The following TUBD1 variants were observed in gnomAD, a reference collection of about 807,000 sequenced individuals.
TUBD1 encodes the protein tubulin delta 1, also known as tubulin delta chain.
In TUBD1, 38 loss-of-function variants were observed where a neutral mutation model predicts 51.2. The ratio of observed to expected loss-of-function variants is 0.74; its 90% CI spans 0.57 to 0.97. The LOEUF (loss-of-function observed/expected upper bound fraction) is 0.97. Among genes scored for constraint, TUBD1 ranks in the 50% least tolerant of loss-of-function variants. The pLI, the probability that TUBD1 is intolerant of heterozygous loss-of-function variation, is 0.00. For synonymous variants in TUBD1, 169 were observed against 178.2 expected (o/e 0.95, Z 0.41); for missense variants, 489 against 538.4 (o/e 0.91, Z 0.91).
intron 4 of TUBD1, 72 bp downstream of exon 4, chr17:59,880,822 C>T (rs1598554075): frequency 1.4e-6 from 2 of 1,444,814 alleles, no homozygotes; most frequent in East Asian, 4.6e-5. Flanking sequence ...GTGGTGAGAG[C>T]AATCTTTTAC....
intron 4 of TUBD1, 151 bp from the exon 5 acceptor site, chr17:59,878,485 T>G: frequency 1.7e-6 from 1 of 581,986 alleles, no homozygotes; most frequent in Non-Finnish European, 3.0e-6. Context: ...CTATGCTCAG[T>G]TTCCTTTTTT....
chr17:59,877,880 G>C lies in TUBD1; in HGVS notation c.769+223C>G, dbSNP rs188995523. ...GTTTCTATTAAAAAAAGAAAAAAAA[G>C]AAGAGAAAGAATCCTGAAGAGCAGT... On this transcript the variant is annotated intron_variant, in intron 5 of 8. Transcript: ENST00000325752. Among the ~76,000 whole-genome samples the C allele has an allele frequency of 1.9e-3, 280 of 149,488 alleles. 3 individuals carry two copies. Among genetic ancestry groups the C allele is most frequent in the Non-Finnish European group, 4.2e-4 (28 of 66,716 alleles).
Position 59,886,164 on chromosome 17 carries a change from G to C in TUBD1, c.239C>G (p.Ala80Gly). The change falls in exon 3 of 9, where the codon GCT (alanine) becomes GGT (glycine). Residue 80 changes from alanine to glycine, a missense_variant. Coordinates refer to ENST00000325752, the MANE Select transcript of TUBD1 (RefSeq NM_016261.4). ...ATATTTCCATTGGCCAGACTGGGCA[G>C]CCTTTGACAGCATTTGATTGATAAC... ...PKVINQMLSK[A>G]AQSGQWKYGQ... is the part of the protein sequence containing the mutation. 6.2e-7 allele frequency: 1 copy of C among 1,613,950 alleles called. No individual in the cohort carries two copies. The highest frequency in any genetic ancestry group is 8.5e-7 in the Non-Finnish European group (1 of 1,180,004).
chr17:59,880,847 A>C (rs138758651), intron 4 of TUBD1, 47 bp downstream of exon 4: 1 of 1,541,500 alleles, frequency 6.5e-7, no homozygotes, highest in South Asian at 1.1e-5. Context: ...ATTTATTTCT[A>C]TTGCAAAGAA....
intron 5 of TUBD1, 142 bp downstream of exon 5, chr17:59,877,961 G>C: frequency 1.5e-6 from 1 of 662,396 alleles, no homozygotes; most frequent in Non-Finnish European, 2.5e-6. Flanking sequence ...ACAGTTCAGA[G>C]AACTAGCAGA....
chr17:59,872,694 A>ATGTGTGTGTGTGTGTG (rs60720420), intron 6 of TUBD1, among the ~76,000 whole-genome samples: 23 of 142,728 alleles, frequency 1.6e-4, no homozygotes, highest in African/African-American at 4.9e-4. Context: ...GAAAATGGGA[A>ATGTGTGTGTGTGTGTG]TGTGTGTGTG....
At chr17:59,863,540 C>T (rs1172331155) in intron 8 of TUBD1, 124 bp downstream of exon 8, 11 of 657,458 alleles carry the variant, frequency 1.7e-5, no homozygotes, top group African/African-American at 1.4e-4. Flanking sequence ...ACCCGGGAGG[C>T]GGAGGTTGCA....
At chr17:59,879,583 G>A (rs545789835) in intron 4 of TUBD1, among the ~76,000 whole-genome samples, 1 of 150,842 alleles carries the variant, frequency 6.6e-6, no homozygotes, top group South Asian at 2.1e-4. Flanking sequence ...CAACAGGCAG[G>A]AGCCAAAACA....
intron 5 of TUBD1, among the ~76,000 whole-genome samples, chr17:59,876,355 T>G (rs1357581851): frequency 1.3e-5 from 2 of 149,942 alleles, no homozygotes; most frequent in East Asian, 1.9e-4. Flanking sequence ...TTTGTTTTTT[T>G]TTTGTTTTTT....
At position 59,859,636 on chromosome 17, in the gene TUBD1, T is replaced by C. The variant is rs932224394; in HGVS notation, c.*686A>G. 6.6e-6 allele frequency: 1 copy of C among 152,662 alleles called. No individual in the cohort carries two copies. Among genetic ancestry groups the C allele is most frequent in the African/African-American group, 2.4e-5 (1 of 41,460 alleles). 9.5% of individuals were successfully genotyped at this position (152,662 alleles called of 1,614,324 possible). A position where few individuals can be genotyped will look rare whatever the true frequency, so the allele number is the denominator to read the frequency against. On this transcript the variant is annotated 3_prime_UTR_variant, in exon 9 of 9. Transcript: ENST00000325752. ...CATCTCCCTCCTGTGGTTCAAAGCATTCATTTCAAACATGAATATATTAAG... is the reference window on the plus strand; with the variant it reads ...CATCTCCCTCCTGTGGTTCAAAGCACTCATTTCAAACATGAATATATTAAG...
intron 6 of TUBD1, among the ~76,000 whole-genome samples, chr17:59,867,448 C>G (rs1435005912): frequency 6.6e-6 from 1 of 152,120 alleles, no homozygotes; most frequent in Admixed American, 6.6e-5. Context: ...TGGCTCATGC[C>G]TGTAATCCCA....
intron 2 of TUBD1, 143 bp from the exon 3 acceptor site, chr17:59,886,373 T>C: frequency 2.4e-6 from 2 of 833,830 alleles, no homozygotes; most frequent in Non-Finnish European, 3.6e-6. Context: ...TCTGTCGTAC[T>C]GCTTAGAAAT....
Position 59,874,591 on chromosome 17 carries a change from G to A in TUBD1, c.882C>T (p.Gly294=). ...GCATCTGTCTCAAATGCTTGAGGAG[G>A]CCAGCCCAAGTAAATGTGGTGTATG... ...SLAYTTFTWA[G]LLKHLRQMLI... The change falls in exon 6 of 9, where the codon GGC becomes GGT. Residue 294 remains glycine (G), a synonymous_variant. Coordinates refer to ENST00000325752, the MANE Select transcript of TUBD1 (RefSeq NM_016261.4). The A allele has an allele frequency of 6.2e-7, 1 of 1,613,514 alleles. No homozygotes were observed. Among genetic ancestry groups the A allele is most frequent in the Non-Finnish European group, 8.5e-7 (1 of 1,179,924 alleles).
chr17:59,877,431 T>C (rs1210157984), intron 5 of TUBD1, among the ~76,000 whole-genome samples: 1 of 152,200 alleles, frequency 6.6e-6, no homozygotes, highest in Non-Finnish European at 1.5e-5. Context: ...AGCAACAGGA[T>C]CTGACTTATG....
intron 6 of TUBD1, among the ~76,000 whole-genome samples, chr17:59,869,347 G>A (rs568861191): frequency 3.3e-5 from 5 of 151,322 alleles, no homozygotes; most frequent in East Asian, 2.0e-4. Context: ...ATGGTGGTGC[G>A]CACCTGTAGT....
At chr17:59,866,471 TG>T in intron 7 of TUBD1, 137 bp downstream of exon 7, 1 of 982,686 alleles carries the variant, frequency 1.0e-6, no homozygotes, top group Non-Finnish European at 1.5e-6. Context: ...ACTGATGCCA[TG>T]GTCAAATTTT....
intron 7 of TUBD1, among the ~76,000 whole-genome samples, chr17:59,865,796 T>C (rs2039671362): frequency 6.6e-6 from 1 of 151,690 alleles, no homozygotes; most frequent in African/African-American, 2.4e-5. Context: ...AATTCAAGTG[T>C]GATATGTGAC....
rs762302286 is a variant in TUBD1, at chr17:59,878,265, G to C, written c.607C>G (p.Leu203Val). 6.2e-7 allele frequency: 1 copy of C among 1,614,104 alleles called. No homozygotes were observed. Among genetic ancestry groups the C allele is most frequent in the Non-Finnish European group, 8.5e-7 (1 of 1,180,028 alleles). Reference sequence around the variant, plus strand: ...TTATGGATGGCATCATTCTCATGAAGAAGGAGGGCGTCTGAAGATCGGTAC... The same window carrying C: ...TTATGGATGGCATCATTCTCATGAACAAGGAGGGCGTCTGAAGATCGGTAC... ...HLYRSSDALL[L>V]HENDAIHKIC... The change falls in exon 5 of 9, where the codon CTT becomes GTT. Residue 203 changes from leucine (L) to valine (V), a missense_variant. By Grantham distance (32) the Leu-to-Val change is conservative (BLOSUM62 1). Coordinates refer to ENST00000325752, the MANE Select transcript of TUBD1 (RefSeq NM_016261.4).
At chr17:59,871,940 T>C (rs930857119) in intron 6 of TUBD1, among the ~76,000 whole-genome samples, 4 of 150,542 alleles carry the variant, frequency 2.7e-5, no homozygotes, top group African/African-American at 9.8e-5. Flanking sequence ...GGACTACAGG[T>C]GCATACCACT....
Sources: gnomAD v4.1 joint callset for allele counts (sites outside exome capture counted in the v4.1 genomes callset) on GRCh38, gnomAD v4.1.1 for gene constraint, MANE v1.5 for transcripts, NCBI Gene and HGNC (gene_info 2026-07-23, HGNC 2026-07-21) for gene names.